The following CCDC152 variants were observed in gnomAD, a reference collection of about 807,000 sequenced individuals.
CCDC152 encodes the protein coiled-coil domain containing 152.
CCDC152 carries 37 observed loss-of-function variants against 38.1 expected under a neutral mutation model. The observed-to-expected ratio is 0.97, with a 90% CI of 0.75 to 1.28. The LOEUF (loss-of-function observed/expected upper bound fraction) is 1.28, where lower values mean the gene tolerates loss of function less well. Among genes scored for constraint, CCDC152 ranks in the 50% most tolerant of loss-of-function variants. The pLI, the probability that CCDC152 is intolerant of heterozygous loss-of-function variation, is 0.00. For missense variants in CCDC152, 259 were observed against 292.1 expected (o/e 0.89, Z 0.83); for synonymous variants, 83 against 87.1 (o/e 0.95, Z 0.26).
chr5:42,785,062 C>T (rs566943025), intron 6 of CCDC152, among the ~76,000 whole-genome samples: 1 of 152,040 alleles, frequency 6.6e-6, no homozygotes, highest in African/African-American at 2.4e-5. Flanking sequence ...TGTTCTTTTG[C>T]TTAGAATTAC....
intron 4 of CCDC152, among the ~76,000 whole-genome samples, chr5:42,776,746 A>C (rs2111559280): frequency 6.6e-6 from 1 of 152,362 alleles, no homozygotes; most frequent in Non-Finnish European, 1.5e-5. Context: ...TAAAGTAGAC[A>C]TCAAAAACAG....
Position 42,802,422 on chromosome 5 carries a change from A to C in CCDC152, c.*2641A>C, listed in dbSNP as rs1760228215. On this transcript the variant is annotated 3_prime_UTR_variant, in exon 9 of 9. Coordinates refer to ENST00000361970, the MANE Select transcript of CCDC152 (RefSeq NM_001134848.2). ...TTTTAAAAGGTTATAAATTCCATTA[A>C]ATTTTAGCATACAACTACTAAGTGG... 1 of 152,198 alleles carries C rather than the reference A, an allele frequency of 6.6e-6. No homozygotes were observed. Among genetic ancestry groups the C allele is most frequent in the African/African-American group, 2.4e-5 (1 of 41,450 alleles). 9.4% of individuals were successfully genotyped at this position (152,198 alleles called of 1,614,324 possible). A position where few individuals can be genotyped will look rare whatever the true frequency, so the allele number is the denominator to read the frequency against.
At chr5:42,787,021 A>G (rs1188179814) in intron 6 of CCDC152, among the ~76,000 whole-genome samples, 1 of 152,010 alleles carries the variant, frequency 6.6e-6, no homozygotes, top group Non-Finnish European at 1.5e-5. Flanking sequence ...TACGTTTGAT[A>G]TAATTTTATT....
Position 42,793,939 on chromosome 5 carries a change from A to T in CCDC152, c.431-2890A>T, listed in dbSNP as rs370558092. 1.1e-4 allele frequency among the ~76,000 whole-genome samples: 16 copies of T among 152,312 alleles called. No homozygotes were observed. In the East Asian group the frequency reaches 3.1e-3, roughly 29 times the overall value. ...TGGGGAATTTTTATGGAGAACTGGA[A>T]ATTATACTAGAGAAGTAGATGGAAA... On this transcript the variant is annotated intron_variant, in intron 6 of 8. Transcript: ENST00000361970.
At chr5:42,776,730 T>C (rs1490965524) in intron 4 of CCDC152, among the ~76,000 whole-genome samples, 1 of 152,066 alleles carries the variant, frequency 6.6e-6, no homozygotes, top group Admixed American at 6.6e-5. Flanking sequence ...CAGGCCACAA[T>C]GGAATTAAAG....
chr5:42,764,283 G>A (rs7717869), intron 3 of CCDC152, among the ~76,000 whole-genome samples: 167 of 152,140 alleles, frequency 1.1e-3, no homozygotes, highest in African/African-American at 3.8e-3. Context: ...GGTGGCAGGC[G>A]CCTGTAATCC....
chr5:42,760,281 G>A (rs1404076061), intron 2 of CCDC152, among the ~76,000 whole-genome samples: 3 of 144,674 alleles, frequency 2.1e-5, no homozygotes, highest in East Asian at 4.1e-4. Flanking sequence ...TCCAGTCTGG[G>A]CGACAGAGCG....
At chr5:42,765,843 T>C (rs8180394) in intron 3 of CCDC152, among the ~76,000 whole-genome samples, 39,468 of 152,090 alleles carry the variant, frequency 0.26, 5,708 homozygotes, top group Admixed American at 0.38. Context: ...CTCCAGGACA[T>C]TGGTCTGGGC....
intron 1 of CCDC152, among the ~76,000 whole-genome samples, chr5:42,757,340 C>G (rs1401064631): frequency 6.6e-6 from 1 of 152,058 alleles, no homozygotes; most frequent in African/African-American, 2.4e-5. Context: ...GGCGAAGGAC[C>G]AACTGTGTGG....
At chr5:42,788,135 T>C (rs996320157) in intron 6 of CCDC152, among the ~76,000 whole-genome samples, 1 of 152,164 alleles carries the variant, frequency 6.6e-6, no homozygotes, top group African/African-American at 2.4e-5. Flanking sequence ...GGTCTGGTGA[T>C]GATGAATACC....
chr5:42,794,210 T>G (rs758686602), intron 6 of CCDC152, among the ~76,000 whole-genome samples: 4 of 152,142 alleles, frequency 2.6e-5, no homozygotes, highest in Admixed American at 6.5e-5. Context: ...GTTGCTGCAG[T>G]CAGAAAGGCC....
chr5:42,759,954 C>A (rs1464822489), intron 2 of CCDC152, among the ~76,000 whole-genome samples: 1 of 152,140 alleles, frequency 6.6e-6, no homozygotes, highest in Non-Finnish European at 1.5e-5. Flanking sequence ...CAGGCATCCA[C>A]TGGAGGTCAC....
intron 6 of CCDC152, among the ~76,000 whole-genome samples, chr5:42,785,916 C>T (rs1015911606): frequency 5.3e-5 from 8 of 152,114 alleles, no homozygotes; most frequent in South Asian, 2.1e-4. Flanking sequence ...GTTTGTGTAG[C>T]GAATCACATT....
chr5:42,799,880 TC>T lies in CCDC152; in HGVS notation c.*100del, dbSNP rs1272346494. ...CATACAGCCTACATAACAAACGAAG[TC>T]AGCTTTAAGGTTTTTATTGAATTTA... On this transcript the variant is annotated 3_prime_UTR_variant, in exon 9 of 9. Coordinates refer to ENST00000361970, the MANE Select transcript of CCDC152 (RefSeq NM_001134848.2). The T allele has an allele frequency of 6.1e-6, 8 of 1,312,330 alleles. No individual in the cohort carries two copies. Among genetic ancestry groups the T allele is most frequent in the African/African-American group, 1.5e-5 (1 of 66,702 alleles). 81.3% of individuals were successfully genotyped at this position (1,312,330 alleles called of 1,614,324 possible). A position where few individuals can be genotyped will look rare whatever the true frequency, so the allele number is the denominator to read the frequency against.
intron 3 of CCDC152, among the ~76,000 whole-genome samples, chr5:42,766,815 TAGAA>T (rs1294265130): frequency 2.7e-5 from 4 of 147,318 alleles, no homozygotes; most frequent in African/African-American, 9.9e-5. Flanking sequence ...TATAAAAAAA[TAGAA>T]AGAATGAATA....
chr5:42,799,537 A>G, intron 8 of CCDC152, 79 bp downstream of exon 8: 1 of 1,176,538 alleles, frequency 8.5e-7, no homozygotes, highest in Non-Finnish European at 1.2e-6. Context: ...TCTAATTCTT[A>G]TTAACAATAT....
At chr5:42,780,487 T>C (rs1444861463) in intron 5 of CCDC152, among the ~76,000 whole-genome samples, 1 of 152,138 alleles carries the variant, frequency 6.6e-6, no homozygotes, top group Non-Finnish European at 1.5e-5. Context: ...AAATAGATGG[T>C]AAAGTCAGGT....
chr5:42,792,147 T>C (rs899084400), intron 6 of CCDC152, among the ~76,000 whole-genome samples: 1 of 152,176 alleles, frequency 6.6e-6, no homozygotes, highest in African/African-American at 2.4e-5. Flanking sequence ...ATCCACATGT[T>C]TCCATTCTAT....
At chr5:42,760,233 G>A (rs1759533169) in intron 2 of CCDC152, among the ~76,000 whole-genome samples, 1 of 150,750 alleles carries the variant, frequency 6.6e-6, no homozygotes, top group Admixed American at 6.6e-5. Context: ...AAACCCGGGA[G>A]GCGGAGCTTG....
Sources: allele counts gnomAD v4.1 joint callset (sites outside exome capture counted in the v4.1 genomes callset), GRCh38; gene constraint gnomAD v4.1.1; transcripts MANE v1.5; gene names NCBI Gene and HGNC (gene_info 2026-07-23, HGNC 2026-07-21).